Variants in LPP observed in about 807,000 individuals in gnomAD.
The protein encoded by LPP is lipoma-preferred partner.
In LPP, 38 loss-of-function variants were observed where a neutral mutation model predicts 60.4. The ratio of observed to expected loss-of-function variants is 0.63; its 90% CI spans 0.49 to 0.83. The LOEUF (loss-of-function observed/expected upper bound fraction) is 0.83, where lower values mean the gene tolerates loss of function less well. LPP is among the 40% of genes least tolerant of loss of function. The pLI, the probability that LPP is intolerant of heterozygous loss-of-function variation, is 0.00. For missense variants in LPP, 902 were observed against 783.6 expected (o/e 1.15, Z -1.80); for synonymous variants, 328 against 290.8 (o/e 1.13, Z -1.30).
rs113878022 is a variant in LPP, at chr3:188,243,482, A to T, written c.-67+17955A>T. Among the ~76,000 whole-genome samples, 707 of 152,314 alleles carry T rather than the reference A, an allele frequency of 4.6e-3. 8 individuals are homozygous for T. Among genetic ancestry groups the T allele is most frequent in the Admixed American group, 0.011 (165 of 15,300 alleles). The stretch of plus-strand genomic sequence containing the variant: ...GGTGTCTCAGAAGGCCGGATCTGGG[A>T]AGGGCCTTTGAAAAGCTTGCACGGA... On this transcript the variant is annotated intron_variant, in intron 2 of 11. Coordinates refer to ENST00000617246, the MANE Select transcript of LPP (RefSeq NM_001375462.1).
chr3:188,350,693 C>A (rs1030220239), intron 3 of LPP, among the ~76,000 whole-genome samples: 2 of 152,194 alleles, frequency 1.3e-5, no homozygotes, highest in African/African-American at 4.8e-5. Flanking sequence ...AGGCCTGGGA[C>A]CCAGGTGTCC....
chr3:188,398,455 C>T (rs1013963298), intron 3 of LPP, among the ~76,000 whole-genome samples: 7 of 152,220 alleles, frequency 4.6e-5, no homozygotes, highest in Admixed American at 2.0e-4. Context: ...ATTTCTGTAG[C>T]GTTGTTCTCT....
At chr3:188,581,453 T>G (rs1322953338) in intron 6 of LPP, among the ~76,000 whole-genome samples, 1 of 152,172 alleles carries the variant, frequency 6.6e-6, no homozygotes, top group Admixed American at 6.5e-5. Flanking sequence ...TAACTTGCAA[T>G]TTAGTACTGT....
intron 9 of LPP, among the ~76,000 whole-genome samples, chr3:188,801,483 AT>A (rs1250651783): frequency 6.6e-6 from 1 of 152,150 alleles, no homozygotes. Flanking sequence ...GGTATTTATT[AT>A]TTTATTTAGT....
intron 7 of LPP, among the ~76,000 whole-genome samples, chr3:188,667,026 G>A (rs540711865): frequency 6.6e-6 from 1 of 152,248 alleles, no homozygotes; most frequent in African/African-American, 2.4e-5. Flanking sequence ...AGATTTTGAG[G>A]TTGCTGTACA....
chr3:188,819,101 G>A (rs1753266295), intron 9 of LPP, among the ~76,000 whole-genome samples: 2 of 151,458 alleles, frequency 1.3e-5, no homozygotes, highest in African/African-American at 4.8e-5. Flanking sequence ...ATCTCTTCCT[G>A]TATGACAGTA....
chr3:188,699,377 C>G (rs1403351725), intron 7 of LPP, among the ~76,000 whole-genome samples: 1 of 152,198 alleles, frequency 6.6e-6, no homozygotes, highest in Non-Finnish European at 1.5e-5. Context: ...AGTAACTCTT[C>G]CAACAACTCC....
intron 6 of LPP, among the ~76,000 whole-genome samples, chr3:188,573,084 T>C (rs1256223274): frequency 6.6e-6 from 1 of 152,120 alleles, no homozygotes. Context: ...TTGACAATCA[T>C]TGTGTGCTTC....
At chr3:188,731,034 TCTTAA>T (rs1458705244) in intron 8 of LPP, among the ~76,000 whole-genome samples, 1 of 152,174 alleles carries the variant, frequency 6.6e-6, no homozygotes. Flanking sequence ...ATCTCAAAAC[TCTTAA>T]CTTAATCCTA....
At position 188,252,170 on chromosome 3, in the gene LPP, C is replaced by CATATATAT. The variant is rs10609191; in HGVS notation, c.-67+26672_-67+26679dup. Among the ~76,000 whole-genome samples the CATATATAT allele has an allele frequency of 2.9e-3, 291 of 101,842 alleles. 2 individuals are homozygous for CATATATAT. The highest frequency in any genetic ancestry group is 0.012 in the Admixed American group (101 of 8,502). The allele number at this position is 101,842 out of a possible 152,430, so 66.8% of individuals were successfully genotyped here. On this transcript the variant is annotated intron_variant, in intron 2 of 11. Coordinates refer to ENST00000617246, the MANE Select transcript of LPP (RefSeq NM_001375462.1). The stretch of plus-strand genomic sequence containing the variant: ...CCTGTAATGCCCCTTCTTCCCCAAA[C>CATATATAT]ATATATATATATATATATATATATA...
intron 9 of LPP, among the ~76,000 whole-genome samples, chr3:188,824,299 T>G (rs1265698232): frequency 6.6e-6 from 1 of 152,214 alleles, no homozygotes; most frequent in Non-Finnish European, 1.5e-5. Flanking sequence ...GTATTGATGA[T>G]GTAGCACTGG....
intron 1 of LPP, among the ~76,000 whole-genome samples, chr3:188,192,682 A>G (rs767090150): frequency 6.6e-6 from 1 of 152,210 alleles, no homozygotes; most frequent in South Asian, 2.1e-4. Flanking sequence ...TCTCAGTCTC[A>G]TCTGACTACA....
intron 7 of LPP, among the ~76,000 whole-genome samples, chr3:188,631,380 G>A (rs1847827813): frequency 6.6e-6 from 1 of 152,066 alleles, no homozygotes. Flanking sequence ...TTTTATTTGT[G>A]AGCTATTACA....
intron 9 of LPP, among the ~76,000 whole-genome samples, chr3:188,833,065 G>A (rs377712898): frequency 2.6e-5 from 4 of 152,210 alleles, no homozygotes; most frequent in Admixed American, 2.6e-4. Flanking sequence ...GAGTTGTGAC[G>A]ATCAAGTAAG....
At chr3:188,513,502 T>A (rs1438018605) in intron 5 of LPP, among the ~76,000 whole-genome samples, 1 of 152,188 alleles carries the variant, frequency 6.6e-6, no homozygotes, top group Non-Finnish European at 1.5e-5. Context: ...AAATAGTTCA[T>A]CTTATTGTGA....
Position 188,540,319 on chromosome 3 carries a change from C to T in LPP, c.429+15532C>T, listed in dbSNP as rs146071838. ...ATTTCTTTCTTTGCTTTTGTTATTT[C>T]ACTATAGAAAATTTTGTTTTAACAT... On this transcript the variant is annotated intron_variant, in intron 6 of 11. Coordinates refer to ENST00000617246, the MANE Select transcript of LPP (RefSeq NM_001375462.1). Among the ~76,000 whole-genome samples, 4 of 152,256 alleles carry T rather than the reference C, an allele frequency of 2.6e-5. No homozygotes were observed. The East Asian group carries it at 7.7e-4, about 29-fold the overall frequency.
At chr3:188,354,064 T>C (rs1766776339) in intron 3 of LPP, among the ~76,000 whole-genome samples, 1 of 152,206 alleles carries the variant, frequency 6.6e-6, no homozygotes, top group Non-Finnish European at 1.5e-5. Context: ...TTTCTCAATA[T>C]TTGCCATATT....
chr3:188,619,224 C>T (rs369344661), intron 7 of LPP, among the ~76,000 whole-genome samples: 2 of 152,122 alleles, frequency 1.3e-5, no homozygotes, highest in African/African-American at 4.8e-5. Flanking sequence ...GGGGTTTTAC[C>T]ATGTTGGCTA....
At chr3:188,592,872 C>G (rs559605871) in intron 6 of LPP, among the ~76,000 whole-genome samples, 2 of 151,830 alleles carry the variant, frequency 1.3e-5, no homozygotes, top group Non-Finnish European at 2.9e-5. Context: ...CTGTCTTACA[C>G]GAGGGCTTGC....
Sources: allele counts gnomAD v4.1 joint callset (sites outside exome capture counted in the v4.1 genomes callset), GRCh38; gene constraint gnomAD v4.1.1; transcripts MANE v1.5; gene names NCBI Gene and HGNC (gene_info 2026-07-23, HGNC 2026-07-21).